ZC3H12B: variants seen among roughly 807,000 people sequenced by gnomAD.
The protein encoded by ZC3H12B is probable ribonuclease ZC3H12B.
In ZC3H12B, 7 loss-of-function variants were observed where a neutral mutation model predicts 43.9. The observed-to-expected ratio is 0.16, with a 90% CI of 0.09 to 0.30. The LOEUF is 0.30. Ranked by LOEUF, ZC3H12B falls within the 10% of genes least tolerant of loss-of-function variation. The pLI is 1.00. For synonymous variants in ZC3H12B, 222 were observed against 241.7 expected (o/e 0.92, Z 0.76); for missense variants, 475 against 670.2 (o/e 0.71, Z 3.22).
exon 5 of ZC3H12B, chrX:65,503,288 A>T (rs1381847892): frequency 8.1e-6 from 7 of 868,801 alleles, no homozygotes; most frequent in African/African-American, 2.0e-5. Flanking sequence ...TATAGTAACT[A>T]ATAATTTGTG....
the ZC3H12B span, among the ~76,000 whole-genome samples, chrX:65,359,266 T>C: frequency 8.9e-6 from 1 of 112,060 alleles, no homozygotes; most frequent in Non-Finnish European, 1.9e-5. Flanking sequence ...TTTCCTGCTA[T>C]ATGGCATTCA....
intron 3 of ZC3H12B, among the ~76,000 whole-genome samples, chrX:65,420,433 AC>A (rs1317859360): frequency 8.9e-6 from 1 of 112,360 alleles, no homozygotes; most frequent in Non-Finnish European, 1.9e-5. Context: ...CAGATAGTCC[AC>A]CCAGAATCTG....
the ZC3H12B span, among the ~76,000 whole-genome samples, chrX:65,053,328 A>T: frequency 4.5e-5 from 5 of 110,444 alleles, no homozygotes; most frequent in South Asian, 2.0e-3. Context: ...TCATTGTTCA[A>T]TTCCCACCTA....
chrX:65,501,332 G>A (rs1320071921), intron 4 of ZC3H12B, among the ~76,000 whole-genome samples: 1 of 101,227 alleles, frequency 9.9e-6, no homozygotes, highest in African/African-American at 3.8e-5. Context: ...GCTCACTGCA[G>A]CCTTGACCTT....
chrX:65,134,900 G>T, the ZC3H12B span, among the ~76,000 whole-genome samples: 3 of 111,148 alleles, frequency 2.7e-5, no homozygotes, highest in Admixed American at 1.9e-4. Flanking sequence ...TCTCTGGCAG[G>T]CAGGGGCGGG....
intron 1 of ZC3H12B, among the ~76,000 whole-genome samples, chrX:65,491,726 T>C (rs1049967990): frequency 9.5e-6 from 1 of 104,766 alleles, no homozygotes; most frequent in Non-Finnish European, 1.9e-5. Flanking sequence ...TATATATATA[T>C]ATATATATAT....
chrX:65,170,939 T>C, the ZC3H12B span, among the ~76,000 whole-genome samples: 3 of 111,853 alleles, frequency 2.7e-5, no homozygotes, highest in Non-Finnish European at 5.6e-5. Flanking sequence ...ATTCGTCTAA[T>C]ATTTTTTCAA....
chrX:65,189,240 A>C, the ZC3H12B span, among the ~76,000 whole-genome samples: 1 of 102,688 alleles, frequency 9.7e-6, no homozygotes, highest in African/African-American at 3.7e-5. Context: ...TATTGTGAAT[A>C]ATGCCGCAAT....
At chrX:65,486,339 A>G (rs2068123804), upstream of ZC3H12B, among the ~76,000 whole-genome samples, 1 of 112,302 alleles carries the variant, frequency 8.9e-6, no homozygotes, top group Non-Finnish European at 1.9e-5. Context: ...ACGTTTTACT[A>G]GTTGGTTGAG....
the ZC3H12B span, among the ~76,000 whole-genome samples, chrX:65,284,221 C>T: frequency 6.0e-3 from 547 of 90,908 alleles, 3 homozygotes; most frequent in African/African-American, 0.022. Flanking sequence ...ACCAGATGTA[C>T]AGATATCAAT....
the ZC3H12B span, among the ~76,000 whole-genome samples, chrX:65,280,816 A>G: frequency 8.9e-6 from 1 of 111,955 alleles, no homozygotes; most frequent in Non-Finnish European, 1.9e-5. Flanking sequence ...ATACCTAGGA[A>G]TAAATTTAAC....
chrX:65,493,765 ACTTGC>A (rs2068239171), intron 1 of ZC3H12B, among the ~76,000 whole-genome samples: 1 of 111,861 alleles, frequency 8.9e-6, no homozygotes, highest in Non-Finnish European at 1.9e-5. Flanking sequence ...ATACTCCGTG[ACTTGC>A]AGGTCCTAGG....
chrX:65,413,395 G>A (rs2066926547), intron 3 of ZC3H12B, among the ~76,000 whole-genome samples: 1 of 111,542 alleles, frequency 9.0e-6, no homozygotes, highest in Admixed American at 9.6e-5. Context: ...TTTTACCCCT[G>A]TTTTCTTCTA....
At chrX:65,231,215 G>A in the ZC3H12B span, among the ~76,000 whole-genome samples, 13,490 of 110,433 alleles carry the variant, frequency 0.12, 2,025 homozygotes, top group African/African-American at 0.42. Flanking sequence ...GGGGGTGTAC[G>A]AATAGGGAGT....
the ZC3H12B span, among the ~76,000 whole-genome samples, chrX:65,246,441 C>A: frequency 8.9e-6 from 1 of 111,775 alleles, no homozygotes; most frequent in East Asian, 2.8e-4. Context: ...AAAAGAGAAC[C>A]TGAATAGCCA....
chrX:65,074,483 G>T, the ZC3H12B span, among the ~76,000 whole-genome samples: 1 of 111,122 alleles, frequency 9.0e-6, no homozygotes, highest in Admixed American at 9.5e-5. Flanking sequence ...GGTTCTGTTG[G>T]GCTTCTTGAG....
chrX:65,207,148 C>T, the ZC3H12B span, among the ~76,000 whole-genome samples: 2 of 108,817 alleles, frequency 1.8e-5, no homozygotes, highest in African/African-American at 6.7e-5. Flanking sequence ...CCAGCAATCT[C>T]ACTACTGGGT....
the ZC3H12B span, among the ~76,000 whole-genome samples, chrX:65,277,651 A>T: frequency 8.9e-6 from 1 of 111,796 alleles, no homozygotes; most frequent in African/African-American, 3.2e-5. Context: ...AAATATAAAA[A>T]TTTTTTGAAA....
the ZC3H12B span, among the ~76,000 whole-genome samples, chrX:65,262,902 C>T: frequency 1.8e-5 from 2 of 110,659 alleles, no homozygotes; most frequent in Non-Finnish European, 3.8e-5. Flanking sequence ...CACTCCCTCC[C>T]CTCCTTATAA....
Sources: gnomAD v4.1 joint callset for allele counts (sites outside exome capture counted in the v4.1 genomes callset) on GRCh38, gnomAD v4.1.1 for gene constraint, MANE v1.5 for transcripts, NCBI Gene and HGNC (gene_info 2026-07-23, HGNC 2026-07-21) for gene names.